Variants in SEC63 observed in about 807,000 individuals in gnomAD.
The protein encoded by SEC63 is SEC63 protein translocation regulator.
In SEC63, 56 loss-of-function variants were observed where a neutral mutation model predicts 116.2. The ratio of observed to expected loss-of-function variants is 0.48; its 90% CI spans 0.39 to 0.60. SEC63 has a LOEUF of 0.60. Among genes scored for constraint, SEC63 ranks in the 20% least tolerant of loss-of-function variants. The pLI is 0.00. For synonymous variants in SEC63, 273 were observed against 294.6 expected (o/e 0.93, Z 0.75); for missense variants, 668 against 900.0 (o/e 0.74, Z 3.30).
chr6:107,903,050 G>T, intron 11 of SEC63, 52 bp from the exon 12 acceptor site: 1 of 1,588,550 alleles, frequency 6.3e-7, no homozygotes. Context: ...TACATGTTCA[G>T]GAGTATACAA....
intron 11 of SEC63, among the ~76,000 whole-genome samples, chr6:107,904,316 A>C (rs968316515): frequency 1.3e-4 from 20 of 151,828 alleles, no homozygotes; most frequent in African/African-American, 4.8e-4. Flanking sequence ...AGGCTGAGGC[A>C]GGAGAATCGC....
At chr6:107,877,741 C>T (rs917751236) in intron 18 of SEC63, among the ~76,000 whole-genome samples, 4 of 152,044 alleles carry the variant, frequency 2.6e-5, no homozygotes, top group African/African-American at 9.7e-5. Context: ...CACGCCTGGC[C>T]CATATTTATG....
chr6:107,874,595 CAAAAAAAAA>C (rs35096526), intron 19 of SEC63, among the ~76,000 whole-genome samples: 5 of 64,602 alleles, frequency 7.7e-5, no homozygotes, highest in African/African-American at 2.5e-4. Flanking sequence ...GACTCTGTCT[CAAAAAAAAA>C]AAAAAAAAAA....
Position 107,876,689 on chromosome 6 carries a change from A to G in SEC63, c.1936-27T>C, listed in dbSNP as rs537001480. ...TGGAAACAAAAAAAAAAAAAAAAAA[A>G]GAAGAGGGGTATAAATAATCAGAAA... On this transcript the variant is annotated intron_variant, in intron 18 of 20. Transcript: ENST00000369002. The G allele has an allele frequency of 1.5e-5, 21 of 1,387,870 alleles. No individual in the cohort carries two copies. The East Asian group carries it at 4.4e-4, about 29-fold the overall frequency. 86.0% of individuals were successfully genotyped at this position (1,387,870 alleles called of 1,614,324 possible). A position where few individuals can be genotyped will look rare whatever the true frequency, so the allele number is the denominator to read the frequency against.
chr6:107,943,122 G>A (rs1354402242), intron 1 of SEC63, among the ~76,000 whole-genome samples: 1 of 152,246 alleles, frequency 6.6e-6, no homozygotes, highest in Non-Finnish European at 1.5e-5. Context: ...CTCACGCAGA[G>A]ATGATTAGCG....
intron 1 of SEC63, among the ~76,000 whole-genome samples, chr6:107,948,877 C>T (rs1770527049): frequency 1.3e-5 from 2 of 152,182 alleles, no homozygotes; most frequent in Non-Finnish European, 2.9e-5. Flanking sequence ...CCTAGCAATC[C>T]TATCAACAGA....
chr6:107,943,071 A>T (rs1353969712), intron 1 of SEC63, among the ~76,000 whole-genome samples: 1 of 152,224 alleles, frequency 6.6e-6, no homozygotes, highest in Non-Finnish European at 1.5e-5. Flanking sequence ...TCAAGAGATC[A>T]CTTTCTATGG....
chr6:107,943,235 C>T (rs896827416), intron 1 of SEC63, among the ~76,000 whole-genome samples: 4 of 152,196 alleles, frequency 2.6e-5, no homozygotes, highest in African/African-American at 9.7e-5. Flanking sequence ...GTTAACTTTA[C>T]ACAGTTATGA....
At chr6:107,913,081 G>A (rs528455136) in intron 5 of SEC63, among the ~76,000 whole-genome samples, 1 of 152,236 alleles carries the variant, frequency 6.6e-6, no homozygotes, top group East Asian at 1.9e-4. Context: ...ATGAGAAAAT[G>A]TGAAGTCTGT....
intron 16 of SEC63, among the ~76,000 whole-genome samples, chr6:107,892,376 C>A (rs1056115069): frequency 6.6e-6 from 1 of 152,102 alleles, no homozygotes; most frequent in Admixed American, 6.6e-5. Flanking sequence ...ATAAGTGGTT[C>A]GTATCCCCTA....
In SEC63 at chr6:107,923,692, A is replaced by ATT. The variant is rs34366728; in HGVS notation, c.339+1124_339+1125dup. ...GGTGTGTTGCTATCACACCCAGGTAATTTTTTTTTTTTTTTTTTGATACAG... is the reference window on the plus strand; with the variant it reads ...GGTGTGTTGCTATCACACCCAGGTAATTTTTTTTTTTTTTTTTTTTGATACAG... On this transcript the variant is annotated intron_variant, in intron 3 of 20. Transcript: ENST00000369002. Among the ~76,000 whole-genome samples the ATT allele has an allele frequency of 1.4e-3, 194 of 139,128 alleles. 2 individuals are homozygous for ATT. Among genetic ancestry groups the ATT allele is most frequent in the African/African-American group, 4.9e-3 (173 of 35,624 alleles). 91.3% of individuals were successfully genotyped at this position (139,128 alleles called of 152,430 possible).
Position 107,893,827 on chromosome 6 carries a change from C to T in SEC63, c.1500+11G>A. ...ACTAGGAAAAATAGGTTCGGAAACC[C>T]AAGTTTTTACCCCATCTTCTGCTGG... is the stretch of plus-strand genomic sequence containing the variant. On this transcript the variant is annotated intron_variant, in intron 15 of 20. Transcript: ENST00000369002. The T allele has an allele frequency of 4.3e-6, 7 of 1,613,942 alleles. No homozygotes were observed. Among genetic ancestry groups the T allele is most frequent in the Non-Finnish European group, 5.9e-6 (7 of 1,179,932 alleles).
rs1374718065 is a variant in SEC63, at chr6:107,881,208, C to T, written c.1876G>A (p.Ala626Thr). ...ATTTTTGATTTGGTTTCCAATAGAG[C>T]TCTCTCTTTTCGCTGTATGCTTTGT... Reference protein sequence around the residue: ...LQQSIQRKERALLETKSKITH... With the variant: ...LQQSIQRKERTLLETKSKITH... Residue 626 changes from alanine to threonine, a missense_variant, in exon 18 of 21, where the codon GCT (alanine) becomes ACT (threonine). By Grantham distance (58) the Ala-to-Thr change is moderately conservative. Transcript: ENST00000369002. 6.2e-7 allele frequency: 1 copy of T among 1,613,022 alleles called. No individual in the cohort carries two copies. The highest frequency in any genetic ancestry group is 1.3e-5 in the African/African-American group (1 of 74,844).
intron 14 of SEC63, among the ~76,000 whole-genome samples, chr6:107,894,964 A>C (rs1312979034): frequency 1.3e-5 from 2 of 152,176 alleles, no homozygotes; most frequent in Non-Finnish European, 2.9e-5. Context: ...GTTGCTACAA[A>C]CACTGTATGA....
chr6:107,867,938 C>T lies in SEC63; in HGVS notation c.*3766G>A, dbSNP rs1786032972. 6.6e-6 allele frequency: 1 copy of T among 152,140 alleles called. No individual in the cohort carries two copies. Among genetic ancestry groups the T allele is most frequent in the South Asian group, 2.1e-4 (1 of 4,826 alleles). 9.4% of individuals were successfully genotyped at this position (152,140 alleles called of 1,614,324 possible). On this transcript the variant is annotated 3_prime_UTR_variant, in exon 21 of 21. Coordinates refer to ENST00000369002, the MANE Select transcript of SEC63 (RefSeq NM_007214.5). The stretch of plus-strand genomic sequence containing the variant: ...CGCCCCTGGGATGTATACACCCCCA[C>T]CTGAAACAATAGCCCTAAAGTATGT...
intron 1 of SEC63, among the ~76,000 whole-genome samples, chr6:107,935,140 A>G (rs1289879154): frequency 2.8e-5 from 3 of 107,490 alleles, no homozygotes; most frequent in Non-Finnish European, 3.9e-5. Context: ...CCCCCCGCCC[A>G]GCCAGCTGCC....
chr6:107,899,668 C>A (rs2818190), intron 13 of SEC63, among the ~76,000 whole-genome samples: 131,898 of 151,766 alleles, frequency 0.87, 57,466 homozygotes, highest in Middle Eastern at 0.92. Context: ...GCAGTAAGCC[C>A]AGATAGTGCC....
chr6:107,891,662 CT>C (rs1356910404), intron 16 of SEC63, among the ~76,000 whole-genome samples: 1 of 152,146 alleles, frequency 6.6e-6, no homozygotes. Context: ...AATTTTCAGC[CT>C]TTTTGGGCTG....
At chr6:107,885,974 C>A (rs1262865933) in intron 16 of SEC63, among the ~76,000 whole-genome samples, 1 of 152,102 alleles carries the variant, frequency 6.6e-6, no homozygotes, top group Non-Finnish European at 1.5e-5. Context: ...CCATCATCTA[C>A]ATTAGGTATT....
Sources: allele counts gnomAD v4.1 joint callset (sites outside exome capture counted in the v4.1 genomes callset), GRCh38; gene constraint gnomAD v4.1.1; transcripts MANE v1.5; gene names NCBI Gene and HGNC (gene_info 2026-07-23, HGNC 2026-07-21).